BANF2: variants seen among roughly 807,000 people sequenced by gnomAD.
BANF2 encodes barrier-to-autointegration factor-like protein.
A neutral mutation model predicts 8.0 loss-of-function variants in BANF2; 4 were observed. The observed-to-expected ratio is 0.50, with a 90% CI of 0.25 to 1.14. BANF2 has a LOEUF of 1.14. BANF2 is among the 50% of genes most tolerant of loss of function. The pLI is 0.16. For missense variants in BANF2, 96 were observed against 107.5 expected (o/e 0.89, Z 0.47); for synonymous variants, 50 against 40.6 (o/e 1.23, Z -0.88).
At chr20:17,699,038 C>T (rs1334322789), upstream of BANF2, among the ~76,000 whole-genome samples, 1 of 152,186 alleles carries the variant, frequency 6.6e-6, no homozygotes, top group Admixed American at 6.5e-5. Flanking sequence ...TTGGGTTCTC[C>T]CCCAGACCTA....
At chr20:17,710,592 T>A (rs2037555214) in intron 1 of BANF2, among the ~76,000 whole-genome samples, 1 of 152,106 alleles carries the variant, frequency 6.6e-6, no homozygotes, top group Non-Finnish European at 1.5e-5. Context: ...AGTCCCGGGG[T>A]GAGCCCAGGC....
intron 3 of BANF2, among the ~76,000 whole-genome samples, chr20:17,725,710 AG>A (rs1299732708): frequency 1.5e-4 from 23 of 152,212 alleles, no homozygotes; most frequent in African/African-American, 5.1e-4. Flanking sequence ...AAAGCTGCTT[AG>A]GGCCTCAGGA....
intron 1 of BANF2, among the ~76,000 whole-genome samples, chr20:17,711,418 T>C (rs1317941052): frequency 1.3e-5 from 2 of 152,182 alleles, no homozygotes; most frequent in Non-Finnish European, 2.9e-5. Context: ...CCACACAATG[T>C]GGTAAGAACA....
intron 1 of BANF2, among the ~76,000 whole-genome samples, chr20:17,720,116 A>G: frequency 6.6e-6 from 1 of 152,246 alleles, no homozygotes; most frequent in Admixed American, 6.5e-5. Context: ...GTGAGGCCTA[A>G]TGTGCTGTCA....
rs191432421 is a variant in BANF2, at chr20:17,724,210, A to G, written c.-3-813A>G. On this transcript the variant is annotated intron_variant, in intron 2 of 3. Coordinates refer to ENST00000246090, the MANE Select transcript of BANF2 (RefSeq NM_178477.5). ...GTGGTCCATTTAAAAGTGGAGAGGG[A>G]TGAAAATAGTTTTGCTAAGACAGAG... 2.5e-3 allele frequency among the ~76,000 whole-genome samples: 383 copies of G among 152,322 alleles called. 3 individuals are homozygous for G. The highest frequency in any genetic ancestry group is 9.0e-3 in the African/African-American group (373 of 41,566).
chr20:17,708,760 C>G (rs1041341557), intron 1 of BANF2, among the ~76,000 whole-genome samples: 1 of 152,102 alleles, frequency 6.6e-6, no homozygotes. Flanking sequence ...TCATTGAAAC[C>G]GAGATCTTTT....
chr20:17,727,493 G>A (rs2037825193), intron 3 of BANF2, among the ~76,000 whole-genome samples: 1 of 152,204 alleles, frequency 6.6e-6, no homozygotes, highest in Non-Finnish European at 1.5e-5. Flanking sequence ...TGCCCGGCAG[G>A]GAGGAGGCTT....
intron 3 of BANF2, among the ~76,000 whole-genome samples, chr20:17,730,855 T>C (rs1482466716): frequency 6.6e-6 from 1 of 152,240 alleles, no homozygotes. Context: ...TTTGGGATTT[T>C]TCTGCCTAGG....
chr20:17,720,483 A>G, intron 1 of BANF2, among the ~76,000 whole-genome samples: 1 of 152,278 alleles, frequency 6.6e-6, no homozygotes, highest in East Asian at 1.9e-4. Flanking sequence ...AGCCAGACAG[A>G]AAAGGACAGA....
chr20:17,724,017 A>T (rs1245063525), intron 2 of BANF2, among the ~76,000 whole-genome samples: 1 of 152,102 alleles, frequency 6.6e-6, no homozygotes, highest in East Asian at 1.9e-4. Flanking sequence ...AAAACAAAAA[A>T]CTGGAAGATG....
chr20:17,696,604 G>C (rs1050319684), upstream of BANF2, among the ~76,000 whole-genome samples: 3 of 152,026 alleles, frequency 2.0e-5, no homozygotes, highest in Non-Finnish European at 4.4e-5. Context: ...GTAATTCTTT[G>C]TCTGGAGGCA....
chr20:17,721,824 T>G (rs1217144047), intron 1 of BANF2, among the ~76,000 whole-genome samples: 2 of 152,242 alleles, frequency 1.3e-5, no homozygotes, highest in African/African-American at 2.4e-5. Context: ...AGAAGTGTAT[T>G]TATTGTTTCA....
chr20:17,710,258 T>A (rs1482972385), intron 1 of BANF2, among the ~76,000 whole-genome samples: 1 of 152,152 alleles, frequency 6.6e-6, no homozygotes, highest in Non-Finnish European at 1.5e-5. Flanking sequence ...AGGGACAGCG[T>A]CTGCTAAAAC....
At chr20:17,734,077 C>T (rs1486012020) in intron 3 of BANF2, among the ~76,000 whole-genome samples, 1 of 152,202 alleles carries the variant, frequency 6.6e-6, no homozygotes, top group African/African-American at 2.4e-5. Flanking sequence ...CAGCCTCCAC[C>T]ATTTAGTGGC....
At chr20:17,702,365 C>T (rs1245448135) in intron 1 of BANF2, among the ~76,000 whole-genome samples, 1 of 152,216 alleles carries the variant, frequency 6.6e-6, no homozygotes, top group Non-Finnish European at 1.5e-5. Flanking sequence ...GATGTCTATA[C>T]ACGGACAGAT....
At chr20:17,719,687 TA>T (rs34906896) in intron 1 of BANF2, among the ~76,000 whole-genome samples, 40,360 of 141,658 alleles carry the variant, frequency 0.28, 5,504 homozygotes, top group Middle Eastern at 0.39. Context: ...TTTTTTTAAT[TA>T]AAAAAAAAAA....
intron 1 of BANF2, among the ~76,000 whole-genome samples, chr20:17,707,113 G>A (rs1296596189): frequency 2.0e-5 from 3 of 152,184 alleles, no homozygotes; most frequent in Non-Finnish European, 2.9e-5. Flanking sequence ...GCCGGGCGCA[G>A]TGGCTCACGC....
chr20:17,698,866 G>T (rs2037374266), upstream of BANF2, among the ~76,000 whole-genome samples: 1 of 152,212 alleles, frequency 6.6e-6, no homozygotes, highest in African/African-American at 2.4e-5. Context: ...CAAAGCTACA[G>T]CTCCTGTTTA....
At chr20:17,702,367 C>T (rs1452597764) in intron 1 of BANF2, among the ~76,000 whole-genome samples, 4 of 152,194 alleles carry the variant, frequency 2.6e-5, no homozygotes, top group African/African-American at 9.6e-5. Flanking sequence ...TGTCTATACA[C>T]GGACAGATGT....
Sources: gnomAD v4.1 joint callset for allele counts (sites outside exome capture counted in the v4.1 genomes callset) on GRCh38, gnomAD v4.1.1 for gene constraint, MANE v1.5 for transcripts, NCBI Gene and HGNC (gene_info 2026-07-23, HGNC 2026-07-21) for gene names.